Variants in HELQ observed in about 807,000 individuals in gnomAD.
The protein encoded by HELQ is helicase, POLQ like, also known as helicase POLQ-like.
In HELQ, 77 loss-of-function variants were observed where a neutral mutation model predicts 111.6. The ratio of observed to expected loss-of-function variants is 0.69; its 90% confidence interval spans 0.57 to 0.83. The LOEUF is 0.83. HELQ is among the 40% of genes least tolerant of loss of function. The pLI is 0.00. For synonymous variants in HELQ, 438 were observed against 454.7 expected (o/e 0.96, Z 0.47); for missense variants, 1,200 against 1,288.5 (o/e 0.93, Z 1.05).
chr4:83,421,581 A>G lies in HELQ; in HGVS notation c.2931T>C (p.Cys977=). ...AAATTACCTCACAGAAATGTAACACACAAGATGAGAATGAGGCAGTTCCAG... is the reference window on the plus strand; with the variant it reads ...AAATTACCTCACAGAAATGTAACACGCAAGATGAGAATGAGGCAGTTCCAG... The part of the protein sequence containing the change: ...LLTGTASFSS[C]VLHFCEELEE... The change falls in exon 15 of 18, where the codon TGT becomes TGC. Residue 977 remains cysteine (C), a synonymous_variant. Coordinates refer to ENST00000295488, the MANE Select transcript of HELQ (RefSeq NM_133636.5). 1 of 1,612,702 alleles carries G rather than the reference A, an allele frequency of 6.2e-7. No homozygotes were observed. The highest frequency in any genetic ancestry group is 8.5e-7 in the Non-Finnish European group (1 of 1,179,272).
In HELQ at chr4:83,455,487, T is replaced by G; in HGVS notation, c.207A>C (p.Ser69=). 6.2e-7 allele frequency: 1 copy of G among 1,614,214 alleles called. No individual in the cohort carries two copies. Among genetic ancestry groups the G allele is most frequent in the Non-Finnish European group, 8.5e-7 (1 of 1,180,044 alleles). The change falls in exon 1 of 18, where the codon TCA becomes TCC. Residue 69 remains serine (S), a synonymous_variant. Transcript: ENST00000295488. ...CAAGGACGAGACATTCCGGGGAATC[T>G]GAGAGTAGAAGGGGCTGTACCTCAA... is the stretch of plus-strand genomic sequence containing the variant. The part of the protein sequence containing the change: ...LPVEVQPLLL[S]DSPECLVLGG...
chr4:83,416,665 G>A (rs1739376263), intron 17 of HELQ, 66 bp downstream of exon 17: 1 of 1,482,158 alleles, frequency 6.7e-7, no homozygotes, highest in Non-Finnish European at 9.2e-7. Context: ...TTGTTCTGAT[G>A]TCTATAATAC....
intron 11 of HELQ, among the ~76,000 whole-genome samples, 159 bp downstream of exon 11, chr4:83,431,505 G>A (rs1040177476): frequency 4.0e-5 from 6 of 150,822 alleles, no homozygotes; most frequent in Non-Finnish European, 7.4e-5. Context: ...TGAAGGGGAT[G>A]AGAAAACAAA....
At chr4:83,428,040 G>A (rs143229371) in intron 12 of HELQ, among the ~76,000 whole-genome samples, 3 of 152,148 alleles carry the variant, frequency 2.0e-5, no homozygotes, top group East Asian at 3.9e-4. Flanking sequence ...CATCAACATC[G>A]AATGGTTAAA....
intron 14 of HELQ, 146 bp downstream of exon 14, chr4:83,425,848 G>A: frequency 1.9e-6 from 1 of 531,826 alleles, no homozygotes; most frequent in Non-Finnish European, 3.4e-6. Context: ...GTTTTAAGTA[G>A]TAAAATGAAC....
Position 83,419,317 on chromosome 4 carries a change from C to A in HELQ, c.2950-1111G>T, listed in dbSNP as rs1560541423. Among the ~76,000 whole-genome samples the A allele has an allele frequency of 4.6e-5, 7 of 151,814 alleles. 1 individual carries two copies. In the South Asian group the frequency reaches 1.0e-3, roughly 22 times the overall value. On this transcript the variant is annotated intron_variant, in intron 15 of 17. Transcript: ENST00000295488. Reference sequence around the variant, plus strand: ...AGTAGACCAGGTGTGGTGGCTCATGCCTGTAATCCCAGCACTCTGGGAGGC... The same window carrying A: ...AGTAGACCAGGTGTGGTGGCTCATGACTGTAATCCCAGCACTCTGGGAGGC...
intron 9 of HELQ, among the ~76,000 whole-genome samples, chr4:83,434,416 T>C (rs898135672): frequency 2.6e-5 from 4 of 152,010 alleles, no homozygotes; most frequent in African/African-American, 9.7e-5. Context: ...GAATAATGAA[T>C]GAAAATAGTT....
At position 83,429,741 on chromosome 4, in the gene HELQ, T is replaced by G; in HGVS notation, c.2301A>C (p.Ala767=). The change falls in exon 12 of 18, where the codon GCA becomes GCC. Residue 767 remains alanine (A), a synonymous_variant. Transcript: ENST00000295488. ...LFLSLIGLKI[A]TNLDDIYHFM... is the part of the protein sequence containing the mutation. ...AATGATAGATGTCATCAAGATTCGT[T>G]GCAATCTGAAACAATTCAGGATATC... The G allele has an allele frequency of 6.2e-7, 1 of 1,606,968 alleles. No homozygotes were observed.
intron 17 of HELQ, among the ~76,000 whole-genome samples, chr4:83,408,854 C>A (rs1738937317): frequency 6.6e-6 from 1 of 151,674 alleles, no homozygotes; most frequent in Admixed American, 6.6e-5. Context: ...AAAGCCTACC[C>A]AAATATAAAA....
intron 7 of HELQ, 51 bp downstream of exon 7, chr4:83,441,254 G>A (rs1385917853): frequency 1.0e-6 from 1 of 977,802 alleles, no homozygotes; most frequent in South Asian, 1.4e-5. Flanking sequence ...CTCTTGTTGT[G>A]CCCCAGACAC....
At chr4:83,440,451 T>C (rs1162207185) in intron 7 of HELQ, among the ~76,000 whole-genome samples, 1 of 152,176 alleles carries the variant, frequency 6.6e-6, no homozygotes, top group Admixed American at 6.5e-5. Flanking sequence ...GATTCAATCA[T>C]ACTACTGAAT....
chr4:83,450,937 T>C (rs1005862137), intron 2 of HELQ, among the ~76,000 whole-genome samples: 6 of 152,156 alleles, frequency 3.9e-5, no homozygotes, highest in African/African-American at 1.4e-4. Flanking sequence ...TGCCAGGTCG[T>C]ATTCCTAGAG....
intron 7 of HELQ, among the ~76,000 whole-genome samples, chr4:83,441,008 T>C (rs182498701): frequency 2.0e-5 from 3 of 152,384 alleles, no homozygotes; most frequent in South Asian, 2.1e-4. Flanking sequence ...GAAATAAGAC[T>C]GGACACAGCT....
chr4:83,449,191 C>T (rs552297629), intron 2 of HELQ, among the ~76,000 whole-genome samples: 113 of 152,344 alleles, frequency 7.4e-4, no homozygotes, highest in African/African-American at 2.6e-3. Context: ...CATTTATTCA[C>T]CAGCTGCAGA....
chr4:83,416,764 T>C lies in HELQ; in HGVS notation c.3165A>G (p.Arg1055=), dbSNP rs778678576. The C allele has an allele frequency of 6.2e-7, 1 of 1,613,054 alleles. No individual in the cohort carries two copies. The highest frequency in any genetic ancestry group is 8.5e-7 in the Non-Finnish European group (1 of 1,179,764). The change falls in exon 17 of 18, where the codon AGA becomes AGG. Residue 1055 remains arginine, a synonymous_variant. Transcript: ENST00000295488. ...ATGAAACAATTTGCTTGGCTTGGCG[T>C]CTTGATAAATGATCAATTGTCCTTA... The part of the protein sequence containing the change: ...VLVRTIDHLS[R]RQAKQIVSSA...
intron 3 of HELQ, among the ~76,000 whole-genome samples, chr4:83,448,273 A>G (rs1432475333): frequency 6.6e-6 from 1 of 152,250 alleles, no homozygotes; most frequent in African/African-American, 2.4e-5. Context: ...CCACCAGTTT[A>G]GAAAAAGTAA....
chr4:83,416,097 C>G (rs1264281552), intron 17 of HELQ, among the ~76,000 whole-genome samples: 1 of 151,172 alleles, frequency 6.6e-6, no homozygotes, highest in Non-Finnish European at 1.5e-5. Flanking sequence ...TAGGCGTGTG[C>G]CACCAAGTCT....
chr4:83,416,831 T>C lies in HELQ; in HGVS notation c.3098A>G (p.Lys1033Arg), dbSNP rs753867696. The C allele has an allele frequency of 2.5e-6, 4 of 1,613,738 alleles. No homozygotes were observed. Among genetic ancestry groups the C allele is most frequent in the South Asian group, 2.2e-5 (2 of 91,028 alleles). ...TGCATTAGCTAAGTGCATTAGACTT[T>C]TGTAACCTGCACTGTATAACTGTTT... ...RAKQLYSAGY[K>R]SLMHLANANP... The change falls in exon 17 of 18, where the codon AAA becomes AGA. Residue 1033 changes from lysine to arginine, a missense_variant. Around this residue, in one of 3 missense-constraint regions of HELQ, gnomAD observed 585 missense variants for 665.3 expected, o/e 0.88. Coordinates refer to ENST00000295488, the MANE Select transcript of HELQ (RefSeq NM_133636.5).
chr4:83,436,741 C>A, intron 9 of HELQ, 117 bp downstream of exon 9: 1 of 1,084,436 alleles, frequency 9.2e-7, no homozygotes, highest in Non-Finnish European at 1.3e-6. Context: ...TCAGCATATG[C>A]TAAAAGAACA....
Sources: allele counts gnomAD v4.1 joint callset (sites outside exome capture counted in the v4.1 genomes callset), GRCh38; gene constraint gnomAD v4.1.1; regional missense constraint gnomAD v4.1.1; transcripts MANE v1.5; gene names NCBI Gene and HGNC (gene_info 2026-07-23, HGNC 2026-07-21).